The following DPH6 variants were observed in gnomAD, a reference collection of about 807,000 sequenced individuals.
The protein encoded by DPH6 is diphthamine biosynthesis 6.
In DPH6, 33 loss-of-function variants were observed where a neutral mutation model predicts 38.2. That is an observed-to-expected ratio of 0.86 (90% CI 0.65 to 1.15). The LOEUF is 1.15. Ranked by LOEUF, DPH6 falls within the 50% of genes most tolerant of loss-of-function variation. The pLI is 0.00. For synonymous variants in DPH6, 108 were observed against 103.0 expected (o/e 1.05, Z -0.30); for missense variants, 325 against 320.0 (o/e 1.02, Z -0.12).
the DPH6 span, among the ~76,000 whole-genome samples, chr15:35,179,194 AC>A: frequency 1.3e-4 from 19 of 142,810 alleles, no homozygotes; most frequent in Admixed American, 1.4e-3. Flanking sequence ...CAACAAGAGC[AC>A]AACTCTGTCA....
chr15:35,431,973 T>C (rs909856906), intron 5 of DPH6, among the ~76,000 whole-genome samples: 1 of 152,102 alleles, frequency 6.6e-6, no homozygotes, highest in South Asian at 2.1e-4. Flanking sequence ...GGCAAACTTT[T>C]GACAAATACC....
intron 5 of DPH6, among the ~76,000 whole-genome samples, chr15:35,435,430 G>A (rs1044574247): frequency 3.9e-5 from 6 of 152,216 alleles, no homozygotes; most frequent in African/African-American, 1.4e-4. Flanking sequence ...AAGGGAACCT[G>A]CACAGGGTTT....
chr15:35,210,650 T>C, the DPH6 span, among the ~76,000 whole-genome samples: 1 of 152,172 alleles, frequency 6.6e-6, no homozygotes, highest in Non-Finnish European at 1.5e-5. Context: ...TCTGAGTATA[T>C]GTGATTAATA....
At chr15:35,361,783 T>C (rs2052616692) in intron 3 of DPH6, among the ~76,000 whole-genome samples, 1 of 151,902 alleles carries the variant, frequency 6.6e-6, no homozygotes, top group African/African-American at 2.4e-5. Context: ...TTCCTTTTCA[T>C]ACTTTCTATT....
chr15:35,222,610 A>C (rs1383733488), intron 3 of DPH6, among the ~76,000 whole-genome samples: 1 of 152,156 alleles, frequency 6.6e-6, no homozygotes, highest in Non-Finnish European at 1.5e-5. Context: ...CCTTTCACTG[A>C]ATACACAATT....
chr15:35,450,170 A>G (rs1223429197), intron 5 of DPH6, among the ~76,000 whole-genome samples: 1 of 152,172 alleles, frequency 6.6e-6, no homozygotes, highest in Non-Finnish European at 1.5e-5. Context: ...TTTCTCAAAC[A>G]TGATTTTCTC....
chr15:35,315,451 T>C (rs2052180442), intron 3 of DPH6, among the ~76,000 whole-genome samples: 2 of 152,242 alleles, frequency 1.3e-5, no homozygotes, highest in Non-Finnish European at 2.9e-5. Context: ...ATGGTTAAAA[T>C]TCATAGTCCG....
downstream of DPH6, among the ~76,000 whole-genome samples, chr15:35,367,497 C>A (rs1227069046): frequency 6.6e-6 from 1 of 151,744 alleles, no homozygotes; most frequent in Non-Finnish European, 1.5e-5. Context: ...TTTTCATTTT[C>A]TCAAGCCTGT....
chr15:35,323,545 T>C (rs1436762070), intron 3 of DPH6, among the ~76,000 whole-genome samples: 1 of 152,178 alleles, frequency 6.6e-6, no homozygotes, highest in Admixed American at 6.6e-5. Flanking sequence ...AACAGTGCAG[T>C]TGCCAGCCGA....
the DPH6 span, among the ~76,000 whole-genome samples, chr15:35,207,532 C>T: frequency 6.6e-6 from 1 of 152,074 alleles, no homozygotes; most frequent in Non-Finnish European, 1.5e-5. Flanking sequence ...AATAAGAATA[C>T]ACTCCATTAT....
At chr15:35,407,348 T>C (rs2053307988) in intron 6 of DPH6, among the ~76,000 whole-genome samples, 1 of 151,960 alleles carries the variant, frequency 6.6e-6, no homozygotes. Flanking sequence ...ACCTTGTTTG[T>C]TTAACTCATC....
At chr15:35,181,761 C>T in the DPH6 span, 10 of 152,256 alleles carry the variant, frequency 6.6e-5, no homozygotes, top group Admixed American at 3.3e-4. Flanking sequence ...CATTTCATGA[C>T]ATATTGTAGC....
intron 3 of DPH6, among the ~76,000 whole-genome samples, chr15:35,486,974 A>G (rs1438530442): frequency 1.3e-5 from 2 of 152,184 alleles, no homozygotes; most frequent in Admixed American, 1.3e-4. Context: ...GCCCCATGCA[A>G]GTCTGAAACC....
the DPH6 span, among the ~76,000 whole-genome samples, chr15:35,211,534 G>T: frequency 6.6e-6 from 1 of 152,164 alleles, no homozygotes; most frequent in Non-Finnish European, 1.5e-5. Flanking sequence ...TACATTAACT[G>T]ACACCCATCC....
intron 5 of DPH6, among the ~76,000 whole-genome samples, chr15:35,422,280 T>C (rs938172102): frequency 6.6e-6 from 1 of 151,780 alleles, no homozygotes; most frequent in Non-Finnish European, 1.5e-5. Context: ...AGCCATGAAG[T>C]GAAATCTCAA....
At chr15:35,327,813 T>C (rs72708955), downstream of DPH6, among the ~76,000 whole-genome samples, 263 of 152,258 alleles carry the variant, frequency 1.7e-3, 1 homozygote, top group East Asian at 5.0e-3. Context: ...CTTTGTTAGA[T>C]AAATAGAGTA....
chr15:35,454,300 A>G (rs1319450671), intron 4 of DPH6, among the ~76,000 whole-genome samples: 1 of 152,168 alleles, frequency 6.6e-6, no homozygotes, highest in Non-Finnish European at 1.5e-5. Context: ...CATTTCAATC[A>G]TATAAATATT....
intron 3 of DPH6, among the ~76,000 whole-genome samples, chr15:35,315,421 T>G (rs967400434): frequency 6.6e-6 from 1 of 152,228 alleles, no homozygotes; most frequent in Non-Finnish European, 1.5e-5. Context: ...TTAATAAAGA[T>G]GTGTTTGAGC....
chr15:35,155,536 G>A, the DPH6 span, among the ~76,000 whole-genome samples: 3 of 152,152 alleles, frequency 2.0e-5, no homozygotes, highest in Non-Finnish European at 4.4e-5. Context: ...AGACTGCCCT[G>A]GTCCATGAAC....
Sources: gnomAD v4.1 joint callset for allele counts (sites outside exome capture counted in the v4.1 genomes callset) on GRCh38, gnomAD v4.1.1 for gene constraint, MANE v1.5 for transcripts, NCBI Gene and HGNC (gene_info 2026-07-23, HGNC 2026-07-21) for gene names.